SLC16A9: variants seen among roughly 807,000 people sequenced by gnomAD.
SLC16A9 encodes the protein solute carrier family 16 member 9.
A neutral mutation model predicts 44.3 loss-of-function variants in SLC16A9; 26 were observed. The ratio of observed to expected loss-of-function variants is 0.59; its 90% CI spans 0.43 to 0.81. The LOEUF (loss-of-function observed/expected upper bound fraction) is 0.81, where lower values mean the gene tolerates loss of function less well. Among genes scored for constraint, SLC16A9 ranks in the 40% least tolerant of loss-of-function variants. The pLI is 0.00. For synonymous variants in SLC16A9, 230 were observed against 225.1 expected (o/e 1.02, Z -0.19); for missense variants, 559 against 595.8 (o/e 0.94, Z 0.64).
chr10:59,659,927 A>T (rs985414644), intron 4 of SLC16A9, among the ~76,000 whole-genome samples: 4 of 152,248 alleles, frequency 2.6e-5, no homozygotes, highest in Admixed American at 1.3e-4. Context: ...ATTAAGGCAG[A>T]AATAAATAAG....
At chr10:59,704,383 A>G (rs1165175165) in intron 1 of SLC16A9, among the ~76,000 whole-genome samples, 1 of 152,060 alleles carries the variant, frequency 6.6e-6, no homozygotes, top group Non-Finnish European at 1.5e-5. Context: ...ATCTTATTCA[A>G]TCCCTCAATC....
intron 2 of SLC16A9, among the ~76,000 whole-genome samples, chr10:59,675,674 G>A (rs114318694): frequency 0.012 from 1,842 of 152,166 alleles, 35 homozygotes; most frequent in African/African-American, 0.042. Flanking sequence ...GACTGGTAAA[G>A]GAAAACTGCC....
In SLC16A9 at chr10:59,687,215, T is replaced by A. The variant is rs1840154500; in HGVS notation, c.-36-2888A>T. Among the ~76,000 whole-genome samples, 3 of 152,312 alleles carry A rather than the reference T, an allele frequency of 2.0e-5. No individual in the cohort carries two copies. The Middle Eastern group carries it at 0.01, about 518-fold the overall frequency. ...CCACCGTGCCTGGCCCCTAATTTCC[T>A]TCTTTTGTCTTTGCATTGAACAGTA... On this transcript the variant is annotated intron_variant, in intron 1 of 5. Coordinates refer to ENST00000395348, the MANE Select transcript of SLC16A9 (RefSeq NM_194298.3).
At chr10:59,658,403 T>A (rs554440640) in intron 4 of SLC16A9, among the ~76,000 whole-genome samples, 2 of 152,282 alleles carry the variant, frequency 1.3e-5, no homozygotes, top group East Asian at 3.9e-4. Flanking sequence ...AGAATTTGAC[T>A]CTTTTCATCA....
chr10:59,702,249 G>C (rs556813463), intron 1 of SLC16A9, among the ~76,000 whole-genome samples: 1 of 152,310 alleles, frequency 6.6e-6, no homozygotes, highest in East Asian at 1.9e-4. Context: ...CATTGAATCT[G>C]AAAAGCTAGC....
At chr10:59,677,495 G>C (rs1176031249) in intron 2 of SLC16A9, among the ~76,000 whole-genome samples, 2 of 152,084 alleles carry the variant, frequency 1.3e-5, no homozygotes, top group Non-Finnish European at 2.9e-5. Context: ...CACAGTACTA[G>C]AATCTCATAT....
chr10:59,668,699 A>G (rs936883779), intron 3 of SLC16A9, among the ~76,000 whole-genome samples: 4 of 152,198 alleles, frequency 2.6e-5, no homozygotes, highest in Non-Finnish European at 1.5e-5. Context: ...TTCTGTCCCT[A>G]TGCTATCATG....
At position 59,652,650 on chromosome 10, in the gene SLC16A9, A is replaced by G. The variant is rs1839229895; in HGVS notation, c.*122T>C. The G allele has an allele frequency of 6.3e-6, 5 of 794,234 alleles. No homozygotes were observed. In the South Asian group the frequency reaches 8.5e-5, roughly 13 times the overall value. The allele number at this position is 794,234 out of a possible 1,614,324, so 49.2% of individuals were successfully genotyped here. Reference sequence around the variant, plus strand: ...AAAAAAAAATAATTCATTCAGAGTCAGTCATTGTGAAATTTTGCTATGAGA... The same window carrying G: ...AAAAAAAAATAATTCATTCAGAGTCGGTCATTGTGAAATTTTGCTATGAGA... On this transcript the variant is annotated 3_prime_UTR_variant, in exon 6 of 6. Transcript: ENST00000395348.
intron 4 of SLC16A9, among the ~76,000 whole-genome samples, chr10:59,659,128 T>C (rs951302347): frequency 3.9e-5 from 6 of 152,234 alleles, no homozygotes; most frequent in African/African-American, 1.4e-4. Context: ...CACTTTTATA[T>C]GTCCAGAATG....
At chr10:59,693,966 C>G (rs1383442668) in intron 1 of SLC16A9, among the ~76,000 whole-genome samples, 1 of 150,314 alleles carries the variant, frequency 6.7e-6, no homozygotes, top group Admixed American at 6.7e-5. Flanking sequence ...GAGATGGAGT[C>G]TCGCTCTGTC....
chr10:59,651,297 T>C lies in SLC16A9; in HGVS notation c.*1475A>G, dbSNP rs1839192724. 6.6e-6 allele frequency: 1 copy of C among 152,194 alleles called. No homozygotes were observed. Among genetic ancestry groups the C allele is most frequent in the Admixed American group, 6.5e-5 (1 of 15,288 alleles). 9.4% of individuals were successfully genotyped at this position (152,194 alleles called of 1,614,324 possible). A position where few individuals can be genotyped will look rare whatever the true frequency, so the allele number is the denominator to read the frequency against. ...ATAATCATACAAATTTCAAAATAAA[T>C]GAAAAGATGATTTTGGCACAATGGG... On this transcript the variant is annotated 3_prime_UTR_variant, in exon 6 of 6. Transcript: ENST00000395348.
At chr10:59,658,729 C>T (rs549119235) in intron 4 of SLC16A9, among the ~76,000 whole-genome samples, 1 of 152,212 alleles carries the variant, frequency 6.6e-6, no homozygotes, top group African/African-American at 2.4e-5. Flanking sequence ...CTTCTCCCAT[C>T]ACTGCCTTAG....
intron 2 of SLC16A9, among the ~76,000 whole-genome samples, chr10:59,683,042 A>G (rs993719385): frequency 1.3e-5 from 2 of 152,132 alleles, no homozygotes; most frequent in African/African-American, 4.8e-5. Flanking sequence ...TTCAGGAGAG[A>G]AGCATATTTA....
At chr10:59,693,961 G>A (rs1306836967) in intron 1 of SLC16A9, among the ~76,000 whole-genome samples, 1 of 148,170 alleles carries the variant, frequency 6.7e-6, no homozygotes, top group African/African-American at 2.5e-5. Context: ...ATTTTGAGAT[G>A]GAGTCTCGCT....
chr10:59,697,928 G>A (rs1840434399), intron 1 of SLC16A9, among the ~76,000 whole-genome samples: 1 of 147,008 alleles, frequency 6.8e-6, no homozygotes, highest in East Asian at 2.0e-4. Flanking sequence ...ATAAGAGTGG[G>A]TTGCAAATTC....
chr10:59,709,690 GC>G lies in SLC16A9; in HGVS notation c.-249del, dbSNP rs920927666. The G allele has an allele frequency of 1.3e-5, 2 of 152,276 alleles. No homozygotes were observed. The highest frequency in any genetic ancestry group is 4.8e-5 in the African/African-American group (2 of 41,428). 9.4% of individuals were successfully genotyped at this position (152,276 alleles called of 1,614,324 possible). On this transcript the variant is annotated 5_prime_UTR_variant, in exon 1 of 6. An upstream open reading frame in the 5' UTR gains an earlier in-frame stop. Transcript: ENST00000395348. Reference sequence around the variant, plus strand: ...GCTACGCGCTGCCCCGGGAGCCGCCGCCCTCTGCCCCCACAGACCCGCAGCG... The same window carrying G: ...GCTACGCGCTGCCCCGGGAGCCGCCGCCTCTGCCCCCACAGACCCGCAGCG...
At chr10:59,707,442 G>A (rs1180935234) in intron 1 of SLC16A9, among the ~76,000 whole-genome samples, 4 of 151,868 alleles carry the variant, frequency 2.6e-5, no homozygotes, top group Non-Finnish European at 1.5e-5. Context: ...GGGGTGAAGA[G>A]ATGTTTGTCA....
rs767777460 is a variant in SLC16A9, at chr10:59,653,810, C to G, written c.1216G>C (p.Gly406Arg). The G allele has an allele frequency of 6.2e-7, 1 of 1,614,068 alleles. No individual in the cohort carries two copies. Among genetic ancestry groups the G allele is most frequent in the Non-Finnish European group, 8.5e-7 (1 of 1,179,990 alleles). ...VTLALLSGIL[G>R]FLTGNWSIFP... ...ATGGACCAATTACCAGTAAGAAACC[C>G]TAGGATCCCAGAAAGCAACGCCAAT... The change falls in exon 5 of 6, where the codon GGG becomes CGG. Residue 406 changes from glycine (G) to arginine (R), a missense_variant. By Grantham distance (125) the Gly-to-Arg change is moderately radical. Transcript: ENST00000395348.
chr10:59,689,628 G>A (rs1466179999), intron 1 of SLC16A9, among the ~76,000 whole-genome samples: 6 of 152,186 alleles, frequency 3.9e-5, no homozygotes, highest in African/African-American at 7.2e-5. Context: ...TAGAGATACC[G>A]AAGCCTGGTT....
Sources: gnomAD v4.1 joint callset for allele counts (sites outside exome capture counted in the v4.1 genomes callset) on GRCh38, gnomAD v4.1.1 for gene constraint, MANE v1.5 for transcripts, NCBI Gene and HGNC (gene_info 2026-07-23, HGNC 2026-07-21) for gene names.